The following CDH13 variants were observed in gnomAD, a reference collection of about 807,000 sequenced individuals.
CDH13 encodes the protein cadherin 13.
Under a neutral mutation model 63.8 loss-of-function variants are expected in CDH13, and 24 were observed. The observed-to-expected ratio is 0.38, with a 90% CI of 0.27 to 0.53. The LOEUF is 0.53. CDH13 is among the 20% of genes least tolerant of loss of function. The pLI is 0.85. For missense variants in CDH13, 1,049 were observed against 903.1 expected (o/e 1.16, Z -2.07); for synonymous variants, 503 against 355.3 (o/e 1.42, Z -4.67).
chr16:83,447,761 TTAAA>T (rs1647881683), intron 6 of CDH13, among the ~76,000 whole-genome samples: 1 of 149,044 alleles, frequency 6.7e-6, no homozygotes, highest in Non-Finnish European at 1.5e-5. Flanking sequence ...ATTATATATA[TTAAA>T]TATTGATTTA....
At chr16:83,423,241 G>A (rs989504777) in intron 6 of CDH13, among the ~76,000 whole-genome samples, 1 of 152,078 alleles carries the variant, frequency 6.6e-6, no homozygotes, top group African/African-American at 2.4e-5. Flanking sequence ...AAGTATTTCA[G>A]GCATTTTCAA....
At chr16:83,667,080 AGATGGATGATG>A (rs1914045879) in intron 8 of CDH13, among the ~76,000 whole-genome samples, 1 of 146,106 alleles carries the variant, frequency 6.8e-6, no homozygotes, top group Non-Finnish European at 1.5e-5. Context: ...AAGGATGGAT[AGATGGATGATG>A]GATGGATGGA....
chr16:83,760,113 A>C (rs995272517), intron 11 of CDH13, among the ~76,000 whole-genome samples: 5 of 152,298 alleles, frequency 3.3e-5, no homozygotes, highest in Admixed American at 2.6e-4. Context: ...AAATTATACA[A>C]ATATAAATTA....
At chr16:82,751,720 A>G (rs1267810045) in intron 1 of CDH13, among the ~76,000 whole-genome samples, 3 of 147,298 alleles carry the variant, frequency 2.0e-5, no homozygotes, top group Non-Finnish European at 4.5e-5. Context: ...AAAAAAAAAA[A>G]GTTTTGTCTG....
At chr16:82,968,561 C>T (rs2151360610) in intron 2 of CDH13, among the ~76,000 whole-genome samples, 1 of 152,202 alleles carries the variant, frequency 6.6e-6, no homozygotes, top group East Asian at 1.9e-4. Context: ...GGTTTCTCTC[C>T]ACTTTTTAAC....
At position 83,796,841 on chromosome 16, in the gene CDH13, A is replaced by G. The variant is rs1161338123; in HGVS notation, c.*1811A>G. 4 of 152,236 alleles carry G rather than the reference A, an allele frequency of 2.6e-5. No individual in the cohort carries two copies. The highest frequency in any genetic ancestry group is 2.0e-4 in the Admixed American group (3 of 15,280). The allele number at this position is 152,236 out of a possible 1,614,324, so 9.4% of individuals were successfully genotyped here. On this transcript the variant is annotated 3_prime_UTR_variant, in exon 14 of 14. Transcript: ENST00000567109. ...AGCTATAAAGGTAATTGCATACTCA[A>G]AGATGAGACGGACCATTCTCAGTTG...
chr16:83,719,211 A>T (rs1007542030), intron 10 of CDH13, among the ~76,000 whole-genome samples: 3 of 152,242 alleles, frequency 2.0e-5, no homozygotes, highest in African/African-American at 7.2e-5. Flanking sequence ...ATGACATTTG[A>T]TTCCAGAACT....
chr16:83,092,649 A>G (rs554507821), intron 3 of CDH13, among the ~76,000 whole-genome samples: 11 of 152,302 alleles, frequency 7.2e-5, no homozygotes, highest in African/African-American at 2.4e-4. Flanking sequence ...GAAAACTGCT[A>G]TCCCTCTTAT....
intron 7 of CDH13, among the ~76,000 whole-genome samples, chr16:83,492,280 A>T (rs1158062954): frequency 2.6e-5 from 4 of 152,174 alleles, no homozygotes; most frequent in Non-Finnish European, 5.9e-5. Flanking sequence ...TAGGAAAATA[A>T]ATGTTTTTAG....
chr16:82,663,341 C>A (rs1418277575), intron 1 of CDH13, among the ~76,000 whole-genome samples: 1 of 152,150 alleles, frequency 6.6e-6, no homozygotes, highest in Admixed American at 6.5e-5. Context: ...CATGCAGCAC[C>A]AGGCCCGGCT....
intron 6 of CDH13, among the ~76,000 whole-genome samples, chr16:83,453,993 A>G (rs1171633211): frequency 1.3e-5 from 2 of 152,222 alleles, no homozygotes; most frequent in Admixed American, 1.3e-4. Context: ...GCTAGGTTCT[A>G]GATATCCTCT....
chr16:83,442,893 T>C (rs1011724295), intron 6 of CDH13, among the ~76,000 whole-genome samples: 1 of 152,276 alleles, frequency 6.6e-6, no homozygotes, highest in African/African-American at 2.4e-5. Context: ...AATGCTATTA[T>C]TTACTGAAAA....
intron 5 of CDH13, among the ~76,000 whole-genome samples, chr16:83,285,964 C>G (rs562541662): frequency 6.6e-6 from 1 of 152,164 alleles, no homozygotes; most frequent in Non-Finnish European, 1.5e-5. Flanking sequence ...GGTTCCTGCC[C>G]ATGTCCTGCC....
At chr16:83,588,642 G>T (rs1326611625) in intron 7 of CDH13, among the ~76,000 whole-genome samples, 1 of 152,198 alleles carries the variant, frequency 6.6e-6, no homozygotes, top group Non-Finnish European at 1.5e-5. Flanking sequence ...GGAAACCACA[G>T]GCACCAAAGG....
intron 4 of CDH13, among the ~76,000 whole-genome samples, chr16:83,171,097 G>C (rs545009029): frequency 6.6e-6 from 1 of 152,140 alleles, no homozygotes; most frequent in South Asian, 2.1e-4. Flanking sequence ...ATTCGCTCGT[G>C]GTTCTGCAGG....
At chr16:83,117,251 C>T (rs1484281493) in intron 3 of CDH13, among the ~76,000 whole-genome samples, 2 of 152,178 alleles carry the variant, frequency 1.3e-5, no homozygotes, top group East Asian at 1.9e-4. Context: ...TTCCCTTCAC[C>T]AGGTCCAGAC....
intron 1 of CDH13, among the ~76,000 whole-genome samples, chr16:82,761,286 G>A (rs1388360559): frequency 6.6e-6 from 1 of 151,848 alleles, no homozygotes; most frequent in Non-Finnish European, 1.5e-5. Flanking sequence ...CCAAAGTGCT[G>A]GGATTACAGA....
chr16:83,752,439 C>T (rs1463336077), intron 11 of CDH13, among the ~76,000 whole-genome samples: 1 of 152,172 alleles, frequency 6.6e-6, no homozygotes, highest in African/African-American at 2.4e-5. Flanking sequence ...TTCTAAAAGT[C>T]GTATCATTAG....
chr16:83,695,804 A>G (rs1335959353), intron 10 of CDH13, among the ~76,000 whole-genome samples: 8 of 152,214 alleles, frequency 5.3e-5, no homozygotes, highest in Admixed American at 1.3e-4. Flanking sequence ...GGGTGTGATC[A>G]TCCCTGTTCT....
Sources: allele counts gnomAD v4.1 joint callset (sites outside exome capture counted in the v4.1 genomes callset), GRCh38; gene constraint gnomAD v4.1.1; transcripts MANE v1.5; gene names NCBI Gene and HGNC (gene_info 2026-07-23, HGNC 2026-07-21).